SFXN5: variants seen among roughly 807,000 people sequenced by gnomAD.
SFXN5 encodes the protein sideroflexin 5, also known as sideroflexin-5.
SFXN5 carries 43 observed loss-of-function variants against 50.2 expected under a neutral mutation model. The observed-to-expected ratio is 0.86, with a 90% CI of 0.67 to 1.11. The LOEUF (loss-of-function observed/expected upper bound fraction) is 1.11. Among genes scored for constraint, SFXN5 ranks in the 50% least tolerant of loss-of-function variants. SFXN5 has a pLI of 0.00. For synonymous variants in SFXN5, 203 were observed against 185.8 expected, an observed-to-expected ratio of 1.09 and a Z score of -0.75; for missense variants, 463 against 454.1, an observed-to-expected ratio of 1.02 and a Z score of -0.18.
chr2:72,970,388 C>G (rs1055071147), intron 11 of SFXN5, among the ~76,000 whole-genome samples: 27 of 152,174 alleles, frequency 1.8e-4, no homozygotes, highest in Non-Finnish European at 3.4e-4. Flanking sequence ...CATGACACCC[C>G]CAGCCCCTTG....
rs931149828 is a variant in SFXN5, at chr2:72,992,625, G to A, written c.535-4277C>T. On this transcript the variant is annotated intron_variant, in intron 9 of 13. Coordinates refer to ENST00000272433, the MANE Select transcript of SFXN5 (RefSeq NM_144579.3). This position sits in a 1 kb window ranked among gnomAD's most constrained non-coding sequence, Gnocchi z 4.5. ...TGGGCAGGAGCCTCCTGGGGCCCAC[G>A]TGTAACCATGGCTCCCTGGTGCATC... 1.3e-5 allele frequency among the ~76,000 whole-genome samples: 2 copies of A among 152,180 alleles called. No homozygotes were observed. Among genetic ancestry groups the A allele is most frequent in the African/African-American group, 2.4e-5 (1 of 41,444 alleles).
At chr2:73,034,177 C>G (rs531241028) in intron 3 of SFXN5, among the ~76,000 whole-genome samples, 19 of 152,310 alleles carry the variant, frequency 1.2e-4, no homozygotes, top group African/African-American at 4.1e-4. Flanking sequence ...GCACATCATA[C>G]AAATGACTCA....
At chr2:72,983,306 G>A (rs754165296) in intron 10 of SFXN5, among the ~76,000 whole-genome samples, 15 of 152,202 alleles carry the variant, frequency 9.9e-5, no homozygotes, top group African/African-American at 2.6e-4. Flanking sequence ...CCTGGGCAAC[G>A]GACTCATTGG....
At chr2:73,039,756 A>G (rs1196442245) in intron 3 of SFXN5, among the ~76,000 whole-genome samples, 1 of 151,534 alleles carries the variant, frequency 6.6e-6, no homozygotes, top group East Asian at 1.9e-4. Context: ...GGGAACATAT[A>G]CTATTTTTCC....
At chr2:73,053,192 A>G (rs1048824366) in intron 2 of SFXN5, 8 of 154,256 alleles carry the variant, frequency 5.2e-5, no homozygotes, top group Non-Finnish European at 7.3e-5. Flanking sequence ...AAAAAAGGAA[A>G]AAAAAATCCC....
chr2:73,031,976 A>T (rs1678361806), intron 3 of SFXN5, among the ~76,000 whole-genome samples: 1 of 152,224 alleles, frequency 6.6e-6, no homozygotes, highest in Admixed American at 6.5e-5. Context: ...AGAACAGGAC[A>T]AGGACTCAGG....
intron 10 of SFXN5, among the ~76,000 whole-genome samples, chr2:72,977,014 C>T (rs1306811436): frequency 6.6e-6 from 1 of 152,180 alleles, no homozygotes; most frequent in Non-Finnish European, 1.5e-5. Context: ...AGTGACTGGT[C>T]TAGGAAGAGG....
chr2:73,071,467 G>T, intron 1 of SFXN5, 137 bp downstream of exon 1: 1 of 728,470 alleles, frequency 1.4e-6, no homozygotes, highest in Non-Finnish European at 2.2e-6. Flanking sequence ...CTGTGACCGA[G>T]GTTCCCCCCC....
chr2:72,957,530 C>T (rs1043651020), intron 13 of SFXN5, among the ~76,000 whole-genome samples: 2 of 152,234 alleles, frequency 1.3e-5, no homozygotes, highest in Non-Finnish European at 2.9e-5. Context: ...AATTCTACCT[C>T]CGAGTCCCCT....
At chr2:73,066,838 C>CA (rs906457568) in intron 1 of SFXN5, among the ~76,000 whole-genome samples, 44 of 147,104 alleles carry the variant, frequency 3.0e-4, no homozygotes, top group Middle Eastern at 3.4e-3. Flanking sequence ...CCTGTCTCTA[C>CA]AAAAAAAAAG....
rs955131198 is a variant in SFXN5, at chr2:72,953,283, T to G, written c.945+7848A>C. Among the ~76,000 whole-genome samples, 2 of 151,970 alleles carry G rather than the reference T, an allele frequency of 1.3e-5. No homozygotes were observed. The highest frequency in any genetic ancestry group is 4.8e-5 in the African/African-American group (2 of 41,320). On this transcript the variant is annotated intron_variant, in intron 13 of 13. Coordinates refer to ENST00000272433, the MANE Select transcript of SFXN5 (RefSeq NM_144579.3). This position sits in a 1 kb window ranked among gnomAD's most constrained non-coding sequence, Gnocchi z 4.1. The stretch of plus-strand genomic sequence containing the variant: ...GGCAGCAGATTTCTGACGGCAAAAA[T>G]AGCCCACTTTAGAGTTCAGTAGGGA...
intron 1 of SFXN5, chr2:73,070,662 C>T (rs1683517048): frequency 6.6e-6 from 1 of 152,156 alleles, no homozygotes. Flanking sequence ...CGGGCCCAAC[C>T]AGGCGCCCGG....
intron 7 of SFXN5, 137 bp from the exon 8 acceptor site, chr2:73,000,624 C>T (rs1246934101): frequency 6.2e-6 from 5 of 801,146 alleles, no homozygotes; most frequent in South Asian, 1.7e-5. Context: ...CCCATGCTGC[C>T]GGTCAGCATG....
intron 3 of SFXN5, among the ~76,000 whole-genome samples, chr2:73,030,317 ATTCTTCCG>A (rs1678142661): frequency 2.0e-5 from 3 of 152,118 alleles, no homozygotes; most frequent in African/African-American, 7.2e-5. Context: ...AAGCAGTCTT[ATTCTTCCG>A]ACCAAAACCC....
At position 72,953,836 on chromosome 2, in the gene SFXN5, G is replaced by A. The variant is rs980834510; in HGVS notation, c.945+7295C>T. Among the ~76,000 whole-genome samples, 1 of 152,190 alleles carries A rather than the reference G, an allele frequency of 6.6e-6. No homozygotes were observed. Among genetic ancestry groups the A allele is most frequent in the African/African-American group, 2.4e-5 (1 of 41,440 alleles). On this transcript the variant is annotated intron_variant, in intron 13 of 13. Coordinates refer to ENST00000272433, the MANE Select transcript of SFXN5 (RefSeq NM_144579.3). This position sits in a 1 kb window ranked among gnomAD's most constrained non-coding sequence, Gnocchi z 4.1. ...TTCTCAAAGAAAGATAAGCTGGGGGGACTTTGCTTCTGGTGGCTCACAGCT... is the reference window on the plus strand; with the variant it reads ...TTCTCAAAGAAAGATAAGCTGGGGGAACTTTGCTTCTGGTGGCTCACAGCT...
Position 73,058,541 on chromosome 2 carries a change from A to G in SFXN5, c.158T>C (p.Leu53Pro). The G allele has an allele frequency of 6.2e-7, 1 of 1,614,072 alleles. No individual in the cohort carries two copies. The highest frequency in any genetic ancestry group is 8.5e-7 in the Non-Finnish European group (1 of 1,179,974). ...GCCATGACTTACCTCAGTGACAAAG[A>G]GTGTGCGAGGGTCGATGATATCCAA... ...HFLDIIDPRT[L>P]FVTERRLREA... is the part of the protein sequence containing the mutation. The change falls in exon 2 of 14, where the codon CTC becomes CCC. Residue 53 changes from leucine (L) to proline (P), a missense_variant. By Grantham distance (98) the Leu-to-Pro change is moderately conservative. Transcript: ENST00000272433.
chr2:73,009,877 G>A (rs2105762236), intron 6 of SFXN5, among the ~76,000 whole-genome samples: 1 of 152,270 alleles, frequency 6.6e-6, no homozygotes, highest in Non-Finnish European at 1.5e-5. Context: ...CGTATGGGGT[G>A]AGCCTCAGTA....
chr2:72,999,807 C>T (rs62147724), intron 8 of SFXN5, among the ~76,000 whole-genome samples: 44,522 of 151,986 alleles, frequency 0.29, 7,336 homozygotes, highest in East Asian at 0.49. Context: ...GACTTAGATG[C>T]ATCCTGCCTT....
chr2:72,968,122 AACACACACACACACACACACACAC>A (rs34361357), intron 12 of SFXN5, among the ~76,000 whole-genome samples: 1 of 137,214 alleles, frequency 7.3e-6, no homozygotes, highest in African/African-American at 2.8e-5. Context: ...CACACATGAA[AACACACACACACACACACACACAC>A]ACACACACAC....
Sources: allele counts gnomAD v4.1 joint callset (sites outside exome capture counted in the v4.1 genomes callset), GRCh38; gene constraint gnomAD v4.1.1; non-coding constraint Gnocchi (gnomAD v3.1); transcripts MANE v1.5; gene names NCBI Gene and HGNC (gene_info 2026-07-23, HGNC 2026-07-21).